The following PKHD1L1 variants were observed in gnomAD, a reference collection of about 807,000 sequenced individuals.
The protein encoded by PKHD1L1 is fibrocystin-L.
In PKHD1L1, 434 loss-of-function variants were observed where a neutral mutation model predicts 462.9. The ratio of observed to expected loss-of-function variants is 0.94; its 90% confidence interval spans 0.87 to 1.02. The LOEUF (loss-of-function observed/expected upper bound fraction) is 1.02, where lower values mean the gene tolerates loss of function less well. PKHD1L1 is among the 50% of genes least tolerant of loss of function. The probability of loss-of-function intolerance (pLI) is 0.00; values close to 1 mark genes in which losing one functional copy is unlikely to be tolerated. For synonymous variants in PKHD1L1, 1,781 were observed against 1,750.0 expected, an observed-to-expected ratio of 1.02 and a Z score of -0.44; for missense variants, 5,202 against 5,096.1, an observed-to-expected ratio of 1.02 and a Z score of -0.63.
chr8:109,453,789 A>G (rs1327580005), intron 43 of PKHD1L1, among the ~76,000 whole-genome samples: 1 of 152,188 alleles, frequency 6.6e-6, no homozygotes, highest in Non-Finnish European at 1.5e-5. Context: ...AATGGTTTTT[A>G]TAAACATGCT....
At chr8:109,384,260 C>G in intron 5 of PKHD1L1, 133 bp downstream of exon 5, 1 of 740,652 alleles carries the variant, frequency 1.4e-6, no homozygotes. Context: ...AACTATCAGC[C>G]AGGCGCGGTG....
rs1392948993 is a variant in PKHD1L1, at chr8:109,427,077, T to A, written c.2921T>A (p.Val974Asp). ...CTGGAGGGAATGGGAAGAATCTCAG[T>A]TACACGAGAGGGAACCTGTGCTGGC... ...QSLEGMGRIS[V>D]TREGTCAGYA... Residue 974 changes from valine (V) to aspartate (D), a missense_variant, in exon 25 of 78, where the codon GTT becomes GAT. Transcript: ENST00000378402. 3 of 1,613,914 alleles carry A rather than the reference T, an allele frequency of 1.9e-6. No homozygotes were observed. The highest frequency in any genetic ancestry group is 2.2e-5 in the South Asian group (2 of 91,078).
intron 9 of PKHD1L1, 50 bp downstream of exon 9, chr8:109,390,544 A>ATAAGATAAAATG: frequency 9.5e-7 from 1 of 1,047,514 alleles, no homozygotes; most frequent in Non-Finnish European, 1.3e-6. Context: ...AACAGGGTAA[A>ATAAGATAAAATG]TAAGATAAAA....
chr8:109,393,664 C>G (rs1414502335), intron 9 of PKHD1L1, among the ~76,000 whole-genome samples: 1 of 152,144 alleles, frequency 6.6e-6, no homozygotes, highest in Non-Finnish European at 1.5e-5. Context: ...CACTTACTCA[C>G]TGTGCGATCT....
chr8:109,491,020 G>A lies in PKHD1L1; in HGVS notation c.10033G>A (p.Gly3345Ser). ...SYIRGCAFHH[G>S]FSPAIGVFGT... is the part of the protein sequence containing the mutation. ...TATTCGAGGCTGTGCTTTTCACCAT[G>A]GCTTCTCTCCAGCAATTGGTGTATT... The change falls in exon 61 of 78, where the codon GGC (glycine) becomes AGC (serine). Residue 3345 changes from glycine (G) to serine (S), a missense_variant. Physicochemically the swap from Gly to Ser is moderately conservative, Grantham distance 56 (BLOSUM62 0). Transcript: ENST00000378402. 6.2e-7 allele frequency: 1 copy of A among 1,609,706 alleles called. No homozygotes were observed. Among genetic ancestry groups the A allele is most frequent in the Non-Finnish European group, 8.5e-7 (1 of 1,176,904 alleles).
At chr8:109,470,829 A>G in intron 50 of PKHD1L1, 3 of 1,507,708 alleles carry the variant, frequency 2.0e-6, no homozygotes, top group South Asian at 2.4e-5. Context: ...AGGAAAACAC[A>G]CTAGTTACTT....
Position 109,497,853 on chromosome 8 carries a change from C to T in PKHD1L1, c.10599+581C>T, listed in dbSNP as rs1339614234. Among the ~76,000 whole-genome samples the T allele has an allele frequency of 5.3e-5, 8 of 152,212 alleles. No individual in the cohort carries two copies. In the East Asian group the frequency reaches 1.2e-3, roughly 22 times the overall value. The stretch of plus-strand genomic sequence containing the variant: ...TCTGAGCCAGTTTAGGTGGTAATGA[C>T]ACTTCCTCCACTTTTTTGTGCCTAC... On this transcript the variant is annotated intron_variant, in intron 65 of 77. Transcript: ENST00000378402.
rs201291395 is a variant in PKHD1L1 at position 109,401,573 on chromosome 8, T to C, written c.1358T>C (p.Leu453Pro). Residue 453 changes from leucine to proline, a missense_variant, in exon 14 of 78, where the codon CTG becomes CCG. Around this residue, in one of 3 missense-constraint regions of PKHD1L1, gnomAD observed 4,497 missense variants for 4,336.8 expected, o/e 1.04. Transcript: ENST00000378402. Reference protein sequence around the residue: ...SPTQRSDDIHLQKGKEYYIEI... With the variant: ...SPTQRSDDIHPQKGKEYYIEI... ...ACACAAAGATCAGATGATATTCATCTGCAGAAAGGAAAAGAGTAAGGCTTT... is the reference window on the plus strand; with the variant it reads ...ACACAAAGATCAGATGATATTCATCCGCAGAAAGGAAAAGAGTAAGGCTTT... 3.2e-6 allele frequency: 5 copies of C among 1,573,896 alleles called. No individual in the cohort carries two copies. Among genetic ancestry groups the C allele is most frequent in the East Asian group, 2.3e-5 (1 of 44,372 alleles).
chr8:109,388,968 A>G (rs1169884371), intron 7 of PKHD1L1, 111 bp from the exon 8 acceptor site: 1 of 698,608 alleles, frequency 1.4e-6, no homozygotes, highest in Non-Finnish European at 2.3e-6. Flanking sequence ...TGTAGCAACA[A>G]TTTCTGTCCT....
chr8:109,472,175 T>C (rs1204278889), intron 50 of PKHD1L1, among the ~76,000 whole-genome samples: 4 of 152,096 alleles, frequency 2.6e-5, no homozygotes, highest in Non-Finnish European at 5.9e-5. Context: ...TGATAAGACA[T>C]TTTGTTTTTA....
rs1586512425 is a variant in PKHD1L1, at chr8:109,438,895, A to G, written c.3761-2A>G. The G allele has an allele frequency of 6.3e-7, 1 of 1,585,124 alleles. No homozygotes were observed. The highest frequency in any genetic ancestry group is 8.6e-7 in the Non-Finnish European group (1 of 1,164,208). On this transcript the variant is annotated splice_acceptor_variant, in intron 31 of 77. Transcript: ENST00000378402. LOFTEE classifies it high-confidence loss of function. ...ATTATTTTTTAAATTTTAAAATACC[A>G]GGAGAAGTTAATTTAACAATTAAGG...
In PKHD1L1 at chr8:109,477,213, C is replaced by T. The variant is rs1818032773; in HGVS notation, c.8918-12C>T. The T allele has an allele frequency of 5.0e-6, 8 of 1,612,588 alleles. No individual in the cohort carries two copies. The highest frequency in any genetic ancestry group is 6.8e-6 in the Non-Finnish European group (8 of 1,179,430). ...ACTATGTTCATTTAACCCACTTTTACTTCACTTTCAGTGTCAGGAAGAAAT... is the reference window on the plus strand; with the variant it reads ...ACTATGTTCATTTAACCCACTTTTATTTCACTTTCAGTGTCAGGAAGAAAT... On this transcript the variant is annotated splice_polypyrimidine_tract_variant and intron_variant, in intron 52 of 77. Transcript: ENST00000378402.
rs1413507319 is a variant in PKHD1L1, at chr8:109,515,016, C to A, written c.11554-154C>A. 1.3e-5 allele frequency among the ~76,000 whole-genome samples: 2 copies of A among 151,986 alleles called. 1 individual carries two copies. The highest frequency in any genetic ancestry group is 4.8e-5 in the African/African-American group (2 of 41,408). On this transcript the variant is annotated intron_variant, in intron 71 of 77. Transcript: ENST00000378402. ...ATCTGTATGAATGGTTGAATGTAAG[C>A]CCATTTTAAAATTTTAGTTCATCCC...
intron 59 of PKHD1L1, among the ~76,000 whole-genome samples, chr8:109,487,333 G>A (rs181876422): frequency 3.9e-5 from 6 of 151,924 alleles, no homozygotes; most frequent in African/African-American, 1.2e-4. Flanking sequence ...GCAACTCTAA[G>A]ACATTTTAGA....
chr8:109,385,624 T>C lies in PKHD1L1; in HGVS notation c.563T>C (p.Ile188Thr). ...ALSSNGKNVR[I>T]LRVYIGGMPC... ...AGCTCAAATGGGAAAAATGTTAGGA[T>C]TTTGAGGTAATCTTTTGATGTGGAA... The change falls in exon 6 of 78, where the codon ATT becomes ACT. Residue 188 changes from isoleucine (I) to threonine (T), a missense_variant. Physicochemically the swap from Ile to Thr is moderately conservative, Grantham distance 89 (BLOSUM62 -1). Coordinates refer to ENST00000378402, the MANE Select transcript of PKHD1L1 (RefSeq NM_177531.6). 6.4e-7 allele frequency: 1 copy of C among 1,566,788 alleles called. No homozygotes were observed. The highest frequency in any genetic ancestry group is 1.7e-4 in the Middle Eastern group (1 of 5,952).
intron 16 of PKHD1L1, 32 bp from the exon 17 acceptor site, chr8:109,406,299 CTGTT>C (rs760802572): frequency 8.2e-5 from 124 of 1,515,014 alleles, no homozygotes; most frequent in South Asian, 3.0e-4. Flanking sequence ...TTCAACTTTT[CTGTT>C]TGTTTGTTTG....
rs1261161338 is a variant in PKHD1L1, at chr8:109,442,141, A to C, written c.4339A>C (p.Ser1447Arg). The change falls in exon 35 of 78, where the codon AGT becomes CGT. Residue 1447 changes from serine to arginine, a missense_variant. This residue lies in a region of PKHD1L1 where 4,497 missense variants were observed against 4,336.8 expected (regional missense o/e 1.04). Coordinates refer to ENST00000378402, the MANE Select transcript of PKHD1L1 (RefSeq NM_177531.6). ...GATTTTTTCTGTCTCCAGTCCTGGA[A>C]GTGTAATTTATGATGGCAAAGGATT... ...YRIFSVSSPG[S>R]VIYDGKGFTS... 6.2e-7 allele frequency: 1 copy of C among 1,613,358 alleles called. No individual in the cohort carries two copies. Among genetic ancestry groups the C allele is most frequent in the Non-Finnish European group, 8.5e-7 (1 of 1,179,540 alleles).
rs1364101760 is a variant in PKHD1L1 at position 109,444,785 on chromosome 8, A to G, written c.4916A>G (p.Asn1639Ser). ...IRETVTLTVY[N>S]LGTAINTLSN... ...GAAACTGTCACTTTGACTGTCTACAACCTGGGCACTGCTATCAATACGTTG... is the reference window on the plus strand; with the variant it reads ...GAAACTGTCACTTTGACTGTCTACAGCCTGGGCACTGCTATCAATACGTTG... The change falls in exon 38 of 78, where the codon AAC (asparagine) becomes AGC (serine). Residue 1639 changes from asparagine (N) to serine (S), a missense_variant. Coordinates refer to ENST00000378402, the MANE Select transcript of PKHD1L1 (RefSeq NM_177531.6). 5.6e-6 allele frequency: 9 copies of G among 1,613,908 alleles called. 1 individual carries two copies. In the African/African-American group the frequency reaches 1.2e-4, roughly 22 times the overall value.
At chr8:109,427,313 T>C (rs1285567021) in intron 25 of PKHD1L1, among the ~76,000 whole-genome samples, 157 bp downstream of exon 25, 1 of 152,224 alleles carries the variant, frequency 6.6e-6, no homozygotes, top group Non-Finnish European at 1.5e-5. Flanking sequence ...AAGGTTTTTT[T>C]CTAAATTAAG....
Sources: allele counts gnomAD v4.1 joint callset (sites outside exome capture counted in the v4.1 genomes callset), GRCh38; gene constraint gnomAD v4.1.1; regional missense constraint gnomAD v4.1.1; transcripts MANE v1.5; gene names NCBI Gene and HGNC (gene_info 2026-07-23, HGNC 2026-07-21).